The following PREP variants were observed in gnomAD, a reference collection of about 807,000 sequenced individuals.
PREP encodes dJ355L5.1 (prolyl endopeptidase).
PREP carries 29 observed loss-of-function variants against 87.6 expected under a neutral mutation model. The observed-to-expected ratio is 0.33, with a 90% CI of 0.25 to 0.45. The LOEUF is 0.45. Among genes scored for constraint, PREP ranks in the 20% least tolerant of loss-of-function variants. The probability of loss-of-function intolerance (pLI) is 1.00; values close to 1 mark genes in which losing one functional copy is unlikely to be tolerated. For missense variants in PREP, 695 were observed against 886.5 expected (o/e 0.78, Z 2.74); for synonymous variants, 337 against 328.6 (o/e 1.03, Z -0.28).
At chr6:105,322,680 G>A (rs1771043827) in intron 10 of PREP, 2 of 996,902 alleles carry the variant, frequency 2.0e-6, no homozygotes, top group Non-Finnish European at 2.4e-6. Flanking sequence ...ATGGGCATGT[G>A]TTCTCCAATA....
intron 7 of PREP, among the ~76,000 whole-genome samples, chr6:105,344,895 A>T (rs899983951): frequency 9.2e-5 from 14 of 152,356 alleles, no homozygotes; most frequent in African/African-American, 3.4e-4. Flanking sequence ...GGTGTACATT[A>T]TTGTCTGCCA....
chr6:105,377,645 C>T (rs1772721386), intron 2 of PREP, 126 bp from the exon 3 acceptor site: 4 of 980,532 alleles, frequency 4.1e-6, no homozygotes, highest in East Asian at 5.2e-5. Context: ...TCTCTCATTA[C>T]CAGCCTCTCT....
chr6:105,389,672 T>C lies in PREP; in HGVS notation c.120+8181A>G, dbSNP rs561759545. Among the ~76,000 whole-genome samples the C allele has an allele frequency of 1.7e-3, 261 of 152,264 alleles. 8 individuals are homozygous for C. The South Asian group carries it at 0.051, about 30-fold the overall frequency. On this transcript the variant is annotated intron_variant, in intron 2 of 14. Coordinates refer to ENST00000652536, the MANE Select transcript of PREP (RefSeq NM_002726.5). ...GAGCAAGCTTCCACCCCAATGGCTCTGAAAACGTAGTGGCCAGATGGGGAA... is the reference window on the plus strand; with the variant it reads ...GAGCAAGCTTCCACCCCAATGGCTCCGAAAACGTAGTGGCCAGATGGGGAA...
intron 10 of PREP, among the ~76,000 whole-genome samples, chr6:105,318,134 C>T (rs1770920754): frequency 6.6e-6 from 1 of 152,154 alleles, no homozygotes; most frequent in African/African-American, 2.4e-5. Context: ...CAATATCTAT[C>T]TATTCCTCCT....
At position 105,402,917 on chromosome 6, in the gene PREP, T is replaced by A. The variant is rs1395633159; in HGVS notation, c.-26A>T. ...GGCCGGGGACAGGCAGGGGGCAGCG[T>A]GGAGGGGCGCGGGCTCCGGGAGCGG... On this transcript the variant is annotated 5_prime_UTR_variant, in exon 1 of 15. Coordinates refer to ENST00000652536, the MANE Select transcript of PREP (RefSeq NM_002726.5). 2 of 1,398,954 alleles carry A rather than the reference T, an allele frequency of 1.4e-6. No homozygotes were observed. The highest frequency in any genetic ancestry group is 1.9e-6 in the Non-Finnish European group (2 of 1,037,866). 86.7% of individuals were successfully genotyped at this position (1,398,954 alleles called of 1,614,324 possible).
At chr6:105,312,505 A>T (rs1770777939) in intron 10 of PREP, among the ~76,000 whole-genome samples, 1 of 152,244 alleles carries the variant, frequency 6.6e-6, no homozygotes, top group East Asian at 1.9e-4. Context: ...TTCTGCATGA[A>T]GACCCAGAAC....
intron 1 of PREP, among the ~76,000 whole-genome samples, chr6:105,399,540 C>T (rs1773369609): frequency 1.3e-5 from 2 of 152,194 alleles, no homozygotes. Context: ...GAACATAAAA[C>T]CCGACTAAAG....
intron 10 of PREP, among the ~76,000 whole-genome samples, chr6:105,312,284 TAC>T (rs1487873661): frequency 6.6e-6 from 1 of 152,238 alleles, no homozygotes; most frequent in Non-Finnish European, 1.5e-5. Context: ...TATACAAATG[TAC>T]ACACATAGAG....
At position 105,370,988 on chromosome 6, in the gene PREP, C is replaced by G. The variant is rs554691622; in HGVS notation, c.596-1964G>C. Among the ~76,000 whole-genome samples the G allele has an allele frequency of 3.9e-5, 6 of 152,208 alleles. No homozygotes were observed. The East Asian group carries it at 9.7e-4, about 25-fold the overall frequency. ...GTTCAGACCTTCAGAATGTACAACA[C>G]CAAAATCAAACCCTAAAGTAAACTA... On this transcript the variant is annotated intron_variant, in intron 5 of 14. Transcript: ENST00000652536.
Position 105,358,212 on chromosome 6 carries a change from G to A in PREP, c.718-5135C>T, listed in dbSNP as rs547287301. Among the ~76,000 whole-genome samples, 18 of 151,916 alleles carry A rather than the reference G, an allele frequency of 1.2e-4. No individual in the cohort carries two copies. The South Asian group carries it at 3.8e-3, about 32-fold the overall frequency. ...AACATTAACAAAAACAAAATTAAAA[G>A]AATTACTATAAATGAAACATTTACA... On this transcript the variant is annotated intron_variant, in intron 6 of 14. Transcript: ENST00000652536.
At position 105,307,011 on chromosome 6, in the gene PREP, T is replaced by C. The variant is rs1215642832; in HGVS notation, c.1317+16654A>G. Among the ~76,000 whole-genome samples, 3 of 152,192 alleles carry C rather than the reference T, an allele frequency of 2.0e-5. No individual in the cohort carries two copies. The South Asian group carries it at 6.2e-4, about 32-fold the overall frequency. On this transcript the variant is annotated intron_variant, in intron 10 of 14. Coordinates refer to ENST00000652536, the MANE Select transcript of PREP (RefSeq NM_002726.5). Reference sequence around the variant, plus strand: ...CTTCTAACTCTAGGTTGCTGCATGCTTACAAACATTTGGAAAGCTTTTAGA... The same window carrying C: ...CTTCTAACTCTAGGTTGCTGCATGCCTACAAACATTTGGAAAGCTTTTAGA...
rs1340461236 is a variant in PREP, at chr6:105,273,220, G to A, written c.*4924C>T. The A allele has an allele frequency of 1.3e-5, 2 of 152,108 alleles. No homozygotes were observed. Among genetic ancestry groups the A allele is most frequent in the African/African-American group, 4.8e-5 (2 of 41,424 alleles). The allele number at this position is 152,108 out of a possible 1,614,324, so 9.4% of individuals were successfully genotyped here. On this transcript the variant is annotated 3_prime_UTR_variant, in exon 15 of 15. Coordinates refer to ENST00000652536, the MANE Select transcript of PREP (RefSeq NM_002726.5). ...TGGCACTCATCCAGAAAGGGTCATT[G>A]CTCTTTTTTCTCTTTATTTCACTAC...
chr6:105,331,575 G>A (rs115262880), intron 8 of PREP, among the ~76,000 whole-genome samples: 1 of 152,174 alleles, frequency 6.6e-6, no homozygotes, highest in South Asian at 2.1e-4. Context: ...CATGAGGTCA[G>A]TGCATGATGA....
At chr6:105,336,438 A>T (rs1771480371) in intron 7 of PREP, among the ~76,000 whole-genome samples, 2 of 152,198 alleles carry the variant, frequency 1.3e-5, no homozygotes, top group African/African-American at 4.8e-5. Context: ...AAGGTCTATT[A>T]AAAAATGTTT....
intron 2 of PREP, among the ~76,000 whole-genome samples, chr6:105,385,840 G>A (rs1772980245): frequency 6.6e-6 from 1 of 152,218 alleles, no homozygotes; most frequent in Admixed American, 6.5e-5. Context: ...CCAATTGTCA[G>A]ACTGGGTGTG....
chr6:105,303,912 T>C (rs962667266), intron 10 of PREP, among the ~76,000 whole-genome samples: 6 of 152,222 alleles, frequency 3.9e-5, no homozygotes, highest in Admixed American at 6.5e-5. Context: ...AGTTCATACT[T>C]TGGTCAAAAT....
intron 10 of PREP, among the ~76,000 whole-genome samples, chr6:105,314,918 G>A (rs1281240724): frequency 2.0e-5 from 3 of 152,184 alleles, no homozygotes; most frequent in Non-Finnish European, 4.4e-5. Context: ...ATGGGCTGCA[G>A]AATGGATATT....
At chr6:105,387,612 AAAAAAAAAG>A (rs561320771) in intron 2 of PREP, among the ~76,000 whole-genome samples, 18,535 of 131,764 alleles carry the variant, frequency 0.14, 1,873 homozygotes, top group African/African-American at 0.37. Context: ...TGAGCTAAAA[AAAAAAAAAG>A]AAAAAAAGAA....
At chr6:105,286,907 G>GT (rs1263679158) in intron 11 of PREP, among the ~76,000 whole-genome samples, 1 of 72 alleles carries the variant, frequency 0.014, no homozygotes, top group Non-Finnish European at 0.023. Flanking sequence ...AGGAATCAGT[G>GT]TTGTCTTGAT....
Sources: allele counts gnomAD v4.1 joint callset (sites outside exome capture counted in the v4.1 genomes callset), GRCh38; gene constraint gnomAD v4.1.1; transcripts MANE v1.5; gene names NCBI Gene and HGNC (gene_info 2026-07-23, HGNC 2026-07-21).